ITGB5: variants seen among roughly 807,000 people sequenced by gnomAD.
ITGB5 encodes integrin beta-5.
Under a neutral mutation model 84.8 loss-of-function variants are expected in ITGB5, and 38 were observed. The ratio of observed to expected loss-of-function variants is 0.45; its 90% CI spans 0.35 to 0.59. The LOEUF is 0.59. Ranked by LOEUF, ITGB5 falls within the 20% of genes least tolerant of loss-of-function variation. The pLI, the probability that ITGB5 is intolerant of heterozygous loss-of-function variation, is 0.01. For synonymous variants in ITGB5, 393 were observed against 414.4 expected, an observed-to-expected ratio of 0.95 and a Z score of 0.63; for missense variants, 905 against 1,034.5, an observed-to-expected ratio of 0.87 and a Z score of 1.72.
At chr3:124,861,117 C>T (rs1257070190) in intron 2 of ITGB5, among the ~76,000 whole-genome samples, 1 of 151,932 alleles carries the variant, frequency 6.6e-6, no homozygotes, top group Admixed American at 6.6e-5. Flanking sequence ...GAAGACGCTG[C>T]AGTGTTTTTA....
chr3:124,861,495 T>TATATATACACACACAC (rs750712591), intron 2 of ITGB5, among the ~76,000 whole-genome samples: 9 of 111,992 alleles, frequency 8.0e-5, no homozygotes, highest in African/African-American at 1.5e-4. Flanking sequence ...TATATATATA[T>TATATATACACACACAC]ACACACACAC....
intron 6 of ITGB5, among the ~76,000 whole-genome samples, chr3:124,820,160 C>T (rs564876238): frequency 6.4e-4 from 98 of 152,280 alleles, no homozygotes; most frequent in African/African-American, 2.3e-3. Context: ...CTAGTGGGGA[C>T]GCCCTAGAGA....
intron 5 of ITGB5, among the ~76,000 whole-genome samples, chr3:124,837,754 ATGAGAATAAAACCAGAG>A (rs560000154): frequency 4.6e-5 from 7 of 152,254 alleles, no homozygotes; most frequent in African/African-American, 7.2e-5. Context: ...GGAAACAAGA[ATGAGAATAAAACCAGAG>A]TGAGAATAAA....
chr3:124,779,918 C>T (rs1008477280), intron 10 of ITGB5, among the ~76,000 whole-genome samples: 31 of 152,238 alleles, frequency 2.0e-4, no homozygotes, highest in Admixed American at 1.6e-3. Context: ...ATGAGGTGAC[C>T]GAGGCCATGC....
chr3:124,770,567 A>G (rs1308345709), intron 11 of ITGB5, among the ~76,000 whole-genome samples: 1 of 152,168 alleles, frequency 6.6e-6, no homozygotes, highest in Non-Finnish European at 1.5e-5. Flanking sequence ...GAAGTGGAGG[A>G]GCAGAACTGG....
intron 3 of ITGB5, among the ~76,000 whole-genome samples, chr3:124,851,244 T>C (rs923102238): frequency 1.3e-5 from 2 of 152,160 alleles, no homozygotes; most frequent in Non-Finnish European, 1.5e-5. Context: ...CAGGCTCTCT[T>C]CAACTCACTG....
chr3:124,886,136 A>G (rs1351398620), intron 1 of ITGB5, among the ~76,000 whole-genome samples: 1 of 152,222 alleles, frequency 6.6e-6, no homozygotes, highest in Non-Finnish European at 1.5e-5. Context: ...AGCCCACCGC[A>G]GCGTCGGGCT....
intron 5 of ITGB5, among the ~76,000 whole-genome samples, chr3:124,826,903 G>A (rs6771896): frequency 0.2 from 30,809 of 152,120 alleles, 3,315 homozygotes; most frequent in Admixed American, 0.29. Context: ...GGGCTGCTGC[G>A]AATGAGTCAG....
intron 9 of ITGB5, 107 bp downstream of exon 9, chr3:124,808,913 CAG>C: frequency 8.1e-7 from 1 of 1,239,912 alleles, no homozygotes; most frequent in Admixed American, 2.1e-5. Flanking sequence ...AATTGGAAAA[CAG>C]AATATAAATT....
rs950747457 is a variant in ITGB5 at position 124,845,953 on chromosome 3, A to T, written c.611+2356T>A. Among the ~76,000 whole-genome samples the T allele has an allele frequency of 2.0e-5, 3 of 152,262 alleles. 1 individual carries two copies. Among genetic ancestry groups the T allele is most frequent in the Non-Finnish European group, 4.4e-5 (3 of 68,038 alleles). On this transcript the variant is annotated intron_variant, in intron 4 of 14. Coordinates refer to ENST00000296181, the MANE Select transcript of ITGB5 (RefSeq NM_002213.5). Reference sequence around the variant, plus strand: ...TGAAAAGGGCCTTGGAGACAGAATCAAAGTAGTAATAGTCCCTGTGGCCAC... The same window carrying T: ...TGAAAAGGGCCTTGGAGACAGAATCTAAGTAGTAATAGTCCCTGTGGCCAC...
At chr3:124,834,483 G>T (rs185680728) in intron 5 of ITGB5, among the ~76,000 whole-genome samples, 1 of 136,704 alleles carries the variant, frequency 7.3e-6, no homozygotes, top group East Asian at 2.3e-4. Flanking sequence ...AAGAAGGGAA[G>T]GATGGGAAGG....
intron 5 of ITGB5, among the ~76,000 whole-genome samples, chr3:124,828,226 A>T (rs1173510076): frequency 3.3e-5 from 5 of 152,176 alleles, no homozygotes; most frequent in African/African-American, 1.2e-4. Context: ...CGTCCATACA[A>T]AGACATGAAC....
rs951544450 is a variant in ITGB5, at chr3:124,771,294, G to A, written c.1917-2181C>T. Among the ~76,000 whole-genome samples, 3 of 152,142 alleles carry A rather than the reference G, an allele frequency of 2.0e-5. No homozygotes were observed. In the East Asian group the frequency reaches 5.8e-4, roughly 29 times the overall value. ...GCCCTGAAACCCCCAGAAAAAAAAGGATGTAGGACATTCAAAACCTGGTGC... is the reference window on the plus strand; with the variant it reads ...GCCCTGAAACCCCCAGAAAAAAAAGAATGTAGGACATTCAAAACCTGGTGC... On this transcript the variant is annotated intron_variant, in intron 11 of 14. Coordinates refer to ENST00000296181, the MANE Select transcript of ITGB5 (RefSeq NM_002213.5).
chr3:124,768,541 G>A (rs1461291192), intron 12 of ITGB5, among the ~76,000 whole-genome samples: 3 of 152,150 alleles, frequency 2.0e-5, no homozygotes, highest in Non-Finnish European at 4.4e-5. Flanking sequence ...CTGTGGTCAG[G>A]CCTCACCGTG....
chr3:124,884,193 C>T (rs548071806), intron 1 of ITGB5, among the ~76,000 whole-genome samples: 8 of 120,526 alleles, frequency 6.6e-5, no homozygotes, highest in African/African-American at 2.5e-4. Context: ...TTCAAGAAAA[C>T]AAAGAAGGGA....
chr3:124,828,261 A>G (rs1185380201), intron 5 of ITGB5, among the ~76,000 whole-genome samples: 1 of 152,238 alleles, frequency 6.6e-6, no homozygotes, highest in South Asian at 2.1e-4. Flanking sequence ...CAGCTCTCTC[A>G]TAACAGGCAA....
At chr3:124,807,864 C>G (rs567202803) in intron 9 of ITGB5, among the ~76,000 whole-genome samples, 49 of 135,944 alleles carry the variant, frequency 3.6e-4, no homozygotes, top group Non-Finnish European at 6.7e-4. Context: ...ATGGCGTGAA[C>G]CCGGGAGGCA....
chr3:124,799,188 C>T (rs757764738), intron 9 of ITGB5, among the ~76,000 whole-genome samples: 1 of 152,176 alleles, frequency 6.6e-6, no homozygotes. Flanking sequence ...TCCAAGGTCT[C>T]GAGGTACAGG....
intron 10 of ITGB5, among the ~76,000 whole-genome samples, chr3:124,777,121 G>A (rs2063937819): frequency 6.6e-6 from 1 of 152,210 alleles, no homozygotes. Flanking sequence ...GGTATAAGAA[G>A]AGGAGTCAGG....
Sources: allele counts gnomAD v4.1 joint callset (sites outside exome capture counted in the v4.1 genomes callset), GRCh38; gene constraint gnomAD v4.1.1; transcripts MANE v1.5; gene names NCBI Gene and HGNC (gene_info 2026-07-23, HGNC 2026-07-21).